Variants in PTH1R observed in about 807,000 individuals in gnomAD.
PTH1R encodes the protein parathyroid hormone/parathyroid hormone-related peptide receptor.
Under a neutral mutation model 70.7 loss-of-function variants are expected in PTH1R, and 32 were observed. The ratio of observed to expected loss-of-function variants is 0.45; its 90% CI spans 0.34 to 0.61. The LOEUF (loss-of-function observed/expected upper bound fraction) is 0.61, where lower values mean the gene tolerates loss of function less well. Ranked by LOEUF, PTH1R falls within the 20% of genes least tolerant of loss-of-function variation. The pLI is 0.01. For synonymous variants in PTH1R, 329 were observed against 324.8 expected, an observed-to-expected ratio of 1.01 and a Z score of -0.14; for missense variants, 626 against 792.5, an observed-to-expected ratio of 0.79 and a Z score of 2.52.
chr3:46,889,078 G>T (rs370462127), intron 3 of PTH1R, among the ~76,000 whole-genome samples: 1 of 152,322 alleles, frequency 6.6e-6, no homozygotes, highest in Admixed American at 6.5e-5. Flanking sequence ...TGGCACGGGA[G>T]ACATCCAGGG....
rs1382016058 is a variant in PTH1R, at chr3:46,878,814, C to T, written c.-106+971C>T. 2.6e-5 allele frequency among the ~76,000 whole-genome samples: 4 copies of T among 152,100 alleles called. 1 individual carries two copies. Among genetic ancestry groups the T allele is most frequent in the African/African-American group, 9.7e-5 (4 of 41,410 alleles). On this transcript the variant is annotated intron_variant, in intron 1 of 15. Transcript: ENST00000449590. The stretch of plus-strand genomic sequence containing the variant: ...AGCAGGGGTGGGGCCAGAGTCTGGC[C>T]CCTACTGCAGTTCTGAGATCCAGTG...
At chr3:46,897,790 T>A in intron 5 of PTH1R, 65 bp from the exon 6 acceptor site, 2 of 1,368,038 alleles carry the variant, frequency 1.5e-6, no homozygotes, top group South Asian at 2.3e-5. Context: ...TTCATCCTTC[T>A]GGGTCACTAA....
At chr3:46,899,080 G>C (rs1050619527) in intron 9 of PTH1R, among the ~76,000 whole-genome samples, 3 of 152,184 alleles carry the variant, frequency 2.0e-5, no homozygotes, top group Non-Finnish European at 4.4e-5. Flanking sequence ...TGCCATCAAG[G>C]CTCCTACCTC....
chr3:46,902,995 T>C lies in PTH1R; in HGVS notation c.1395+205T>C, dbSNP rs1191279838. On this transcript the variant is annotated intron_variant, in intron 15 of 15. Transcript: ENST00000449590. The surrounding 1 kb of genome is among the most constrained non-coding windows in gnomAD (Gnocchi z 5.4). Reference sequence around the variant, plus strand: ...TGTGGGGACTCTTCAGTCACTGGCATAGCCAAGTGTCTTCCCAGCCCCATG... The same window carrying C: ...TGTGGGGACTCTTCAGTCACTGGCACAGCCAAGTGTCTTCCCAGCCCCATG... The C allele has an allele frequency of 1.0e-6, 1 of 957,792 alleles. No individual in the cohort carries two copies. The highest frequency in any genetic ancestry group is 1.4e-5 in the South Asian group (1 of 72,300). The allele number at this position is 957,792 out of a possible 1,614,324, so 59.3% of individuals were successfully genotyped here. A position where few individuals can be genotyped will look rare whatever the true frequency, so the allele number is the denominator to read the frequency against.
chr3:46,901,041 C>T lies in PTH1R; in HGVS notation c.1005C>T (p.Phe335=), dbSNP rs2107054668. The part of the protein sequence containing the change: ...TVFGWGLPAV[F]VAVWVSVRAT... The stretch of plus-strand genomic sequence containing the variant: ...TGCCCACAGGTCTGCCCGCTGTCTT[C>T]GTGGCTGTGTGGGTCAGTGTCAGAG... Residue 335 remains phenylalanine, a synonymous_variant, in exon 11 of 16, where the codon TTC becomes TTT. Transcript: ENST00000449590. This position sits in a 1 kb window ranked among gnomAD's most constrained non-coding sequence, Gnocchi z 7.3. 1 of 1,584,320 alleles carries T rather than the reference C, an allele frequency of 6.3e-7. No individual in the cohort carries two copies. Among genetic ancestry groups the T allele is most frequent in the Non-Finnish European group, 8.6e-7 (1 of 1,164,028 alleles).
intron 4 of PTH1R, 39 bp downstream of exon 4, chr3:46,894,048 G>A: frequency 6.3e-7 from 1 of 1,596,948 alleles, no homozygotes. Flanking sequence ...ATGAGGTCAG[G>A]TGAGGGAGGG....
In PTH1R at chr3:46,902,277, G is replaced by A. The variant is rs2032171414; in HGVS notation, c.1212-249G>A. ...CTTGCCAGCTGAGGGCTCCACAGGT[G>A]CGAAGGGCCCAGGGACAGGGGGACT... On this transcript the variant is annotated intron_variant, in intron 13 of 15. Coordinates refer to ENST00000449590, the MANE Select transcript of PTH1R (RefSeq NM_000316.3). The surrounding 1 kb of genome is among the most constrained non-coding windows in gnomAD (Gnocchi z 5.4). 6.6e-6 allele frequency among the ~76,000 whole-genome samples: 1 copy of A among 152,178 alleles called. No homozygotes were observed. Among genetic ancestry groups the A allele is most frequent in the African/African-American group, 2.4e-5 (1 of 41,434 alleles).
intron 1 of PTH1R, among the ~76,000 whole-genome samples, chr3:46,878,122 C>T (rs957324878): frequency 1.2e-4 from 19 of 152,210 alleles, no homozygotes; most frequent in Admixed American, 1.2e-3. Context: ...CCCCCATCGC[C>T]CCTCCCTTCA....
intron 3 of PTH1R, among the ~76,000 whole-genome samples, chr3:46,888,058 A>G (rs575428005): frequency 1.3e-5 from 2 of 152,324 alleles, no homozygotes; most frequent in South Asian, 4.1e-4. Flanking sequence ...GCTGCTTTGT[A>G]CTTATACAAC....
At chr3:46,881,738 A>G in intron 2 of PTH1R, among the ~76,000 whole-genome samples, 1 of 147,570 alleles carries the variant, frequency 6.8e-6, no homozygotes, top group African/African-American at 2.5e-5. Context: ...GACGTGGGGG[A>G]GGGCGGCAGC....
chr3:46,902,671 C>G lies in PTH1R; in HGVS notation c.1353+4C>G. The G allele has an allele frequency of 3.1e-6, 5 of 1,614,052 alleles. No homozygotes were observed. Among genetic ancestry groups the G allele is most frequent in the Non-Finnish European group, 4.2e-6 (5 of 1,180,022 alleles). ...GATGCTCTTCAACTCCTTCCAGGTG[C>G]GCAGTGCTGGCCCGGGCCTGGCTGA... is the stretch of plus-strand genomic sequence containing the variant. On this transcript the variant is annotated splice_donor_region_variant and intron_variant, in intron 14 of 15. Coordinates refer to ENST00000449590, the MANE Select transcript of PTH1R (RefSeq NM_000316.3). The surrounding 1 kb of genome is among the most constrained non-coding windows in gnomAD (Gnocchi z 5.4).
At chr3:46,889,459 T>C (rs960173150) in intron 3 of PTH1R, among the ~76,000 whole-genome samples, 1 of 152,160 alleles carries the variant, frequency 6.6e-6, no homozygotes, top group African/African-American at 2.4e-5. Flanking sequence ...CTCCTCTCTT[T>C]CCCTTCTTCC....
At chr3:46,886,354 T>C (rs1469413719) in intron 3 of PTH1R, among the ~76,000 whole-genome samples, 2 of 152,148 alleles carry the variant, frequency 1.3e-5, no homozygotes, top group Non-Finnish European at 2.9e-5. Context: ...CTTGGCCATG[T>C]TGCTTGCTTG....
At position 46,898,669 on chromosome 3, in the gene PTH1R, C is replaced by A. The variant is rs1427006042; in HGVS notation, c.646C>A (p.His216Asn). 4 of 1,612,164 alleles carry A rather than the reference C, an allele frequency of 2.5e-6. No homozygotes were observed. The highest frequency in any genetic ancestry group is 1.3e-5 in the African/African-American group (1 of 74,926). ...ATGTCGCGCGCCCCGCAGGCGGCTGCACTGCACGCGCAACTACATCCACAT... is the reference window on the plus strand; with the variant it reads ...ATGTCGCGCGCCCCGCAGGCGGCTGAACTGCACGCGCAACTACATCCACAT... ...VLILAYFRRLHCTRNYIHMHL... is the reference protein window; with the variant it reads ...VLILAYFRRLNCTRNYIHMHL... The change falls in exon 9 of 16, where the codon CAC becomes AAC. Residue 216 changes from histidine (H) to asparagine (N), a missense_variant. Coordinates refer to ENST00000449590, the MANE Select transcript of PTH1R (RefSeq NM_000316.3).
In PTH1R at chr3:46,903,773, G is replaced by GAAA; in HGVS notation, c.*125_*127dup. On this transcript the variant is annotated 3_prime_UTR_variant, in exon 16 of 16. Coordinates refer to ENST00000449590, the MANE Select transcript of PTH1R (RefSeq NM_000316.3). This position sits in a 1 kb window ranked among gnomAD's most constrained non-coding sequence, Gnocchi z 4.4. ...CCAAGAGGAAAAACAGGGAAAAAAAGAAAAAAAAAAGAAAAAGGAAAAGGA... is the reference window on the plus strand; with the variant it reads ...CCAAGAGGAAAAACAGGGAAAAAAAGAAAAAAAAAAAAAGAAAAAGGAAAAGGA... The GAAA allele has an allele frequency of 8.1e-6, 11 of 1,354,714 alleles. No homozygotes were observed. The highest frequency in any genetic ancestry group is 9.9e-6 in the Non-Finnish European group (10 of 1,006,966). 83.9% of individuals were successfully genotyped at this position (1,354,714 alleles called of 1,614,324 possible). A position where few individuals can be genotyped will look rare whatever the true frequency, so the allele number is the denominator to read the frequency against.
intron 8 of PTH1R, 93 bp from the exon 9 acceptor site, chr3:46,898,569 G>T (rs2031908302): frequency 1.3e-6 from 2 of 1,598,918 alleles, no homozygotes; most frequent in Non-Finnish European, 8.5e-7. Flanking sequence ...CACCCCCGGC[G>T]GGTGTCCCTA....
intron 7 of PTH1R, 70 bp from the exon 8 acceptor site, chr3:46,898,308 C>T (rs1356049640): frequency 1.3e-6 from 2 of 1,579,528 alleles, no homozygotes; most frequent in Non-Finnish European, 1.7e-6. Flanking sequence ...TTACCCTGGC[C>T]TCTTGCTCTT....
chr3:46,900,137 G>A (rs998655360), intron 10 of PTH1R, among the ~76,000 whole-genome samples: 3 of 152,238 alleles, frequency 2.0e-5, no homozygotes, highest in South Asian at 4.1e-4. Flanking sequence ...AGCCCTCTCT[G>A]CACTCAGCAC....
chr3:46,880,964 C>T (rs1288391439), intron 1 of PTH1R, 98 bp from the exon 2 acceptor site: 1 of 152,150 alleles, frequency 6.6e-6, no homozygotes, highest in Admixed American at 6.5e-5. Flanking sequence ...TCTTGAGAGC[C>T]CCTGGAGCCC....
Sources: gnomAD v4.1 joint callset for allele counts (sites outside exome capture counted in the v4.1 genomes callset) on GRCh38, gnomAD v4.1.1 for gene constraint, Gnocchi (gnomAD v3.1) non-coding constraint, MANE v1.5 for transcripts, NCBI Gene and HGNC (gene_info 2026-07-23, HGNC 2026-07-21) for gene names.